The following AGBL4 variants were observed in gnomAD, a reference collection of about 807,000 sequenced individuals.
The protein encoded by AGBL4 is AGBL carboxypeptidase 4, also known as cytosolic carboxypeptidase 6.
A neutral mutation model predicts 66.4 loss-of-function variants in AGBL4; 58 were observed. That is an observed-to-expected ratio of 0.87 (90% CI 0.71 to 1.09). The LOEUF is 1.09. Among genes scored for constraint, AGBL4 ranks in the 50% least tolerant of loss-of-function variants. AGBL4 has a pLI of 0.00. For synonymous variants in AGBL4, 234 were observed against 222.9 expected (o/e 1.05, Z -0.44); for missense variants, 579 against 631.0 (o/e 0.92, Z 0.88).
At chr1:48,847,277 G>A (rs1255046368) in intron 6 of AGBL4, among the ~76,000 whole-genome samples, 1 of 151,888 alleles carries the variant, frequency 6.6e-6, no homozygotes, top group African/African-American at 2.4e-5. Context: ...TCTAGCCTGG[G>A]CAACAAGAGC....
chr1:48,734,280 T>C (rs1648655097), intron 6 of AGBL4, among the ~76,000 whole-genome samples: 1 of 152,220 alleles, frequency 6.6e-6, no homozygotes, highest in Admixed American at 6.5e-5. Context: ...ATCTAGGCTC[T>C]GAAACCTTAT....
intron 3 of AGBL4, among the ~76,000 whole-genome samples, chr1:49,465,527 T>C (rs1315822384): frequency 1.3e-5 from 2 of 151,812 alleles, no homozygotes; most frequent in African/African-American, 4.8e-5. Flanking sequence ...ATCTTTTATA[T>C]ATCCCCAGTG....
chr1:49,109,841 C>A (rs968098936), intron 4 of AGBL4, among the ~76,000 whole-genome samples: 1 of 152,068 alleles, frequency 6.6e-6, no homozygotes, highest in Non-Finnish European at 1.5e-5. Flanking sequence ...AGATTTTAAC[C>A]CCAATACTAT....
chr1:48,926,268 T>TTTTA (rs1654557124), intron 5 of AGBL4, among the ~76,000 whole-genome samples: 1 of 150,838 alleles, frequency 6.6e-6, no homozygotes, highest in Non-Finnish European at 1.5e-5. Flanking sequence ...TTTTATTTTA[T>TTTTA]TTTATTTTAT....
At chr1:49,166,452 T>C (rs1312714454) in intron 4 of AGBL4, among the ~76,000 whole-genome samples, 2 of 152,164 alleles carry the variant, frequency 1.3e-5, no homozygotes, top group African/African-American at 2.4e-5. Flanking sequence ...GTGGTTTAAC[T>C]TGGTTCTGTA....
chr1:49,626,653 G>C (rs144130634), intron 3 of AGBL4, among the ~76,000 whole-genome samples: 38 of 152,082 alleles, frequency 2.5e-4, no homozygotes, highest in South Asian at 2.1e-4. Flanking sequence ...TCTGAGAATA[G>C]TGCCATGTTG....
At chr1:49,270,531 C>T (rs913250539) in intron 3 of AGBL4, among the ~76,000 whole-genome samples, 3 of 152,044 alleles carry the variant, frequency 2.0e-5, no homozygotes, top group East Asian at 1.9e-4. Context: ...ATTAACAGGT[C>T]TGTCACTGGT....
chr1:49,290,687 C>T (rs534527193), intron 3 of AGBL4, among the ~76,000 whole-genome samples: 69 of 152,238 alleles, frequency 4.5e-4, no homozygotes, highest in African/African-American at 1.2e-3. Context: ...AGTTTTTCAT[C>T]CACAACCAAA....
At chr1:49,908,544 T>C (rs139520455) in intron 1 of AGBL4, among the ~76,000 whole-genome samples, 102 of 152,330 alleles carry the variant, frequency 6.7e-4, no homozygotes, top group Middle Eastern at 3.4e-3. Flanking sequence ...AACATTACAC[T>C]TCCTGTACTG....
intron 11 of AGBL4, among the ~76,000 whole-genome samples, chr1:48,575,441 G>A (rs546844515): frequency 1.3e-5 from 2 of 152,230 alleles, no homozygotes; most frequent in East Asian, 3.9e-4. Context: ...ATCTCCAACT[G>A]ACCCCATTCA....
At chr1:49,336,218 C>G (rs569175403) in intron 3 of AGBL4, among the ~76,000 whole-genome samples, 71 of 152,106 alleles carry the variant, frequency 4.7e-4, no homozygotes, top group African/African-American at 1.2e-3. Context: ...CAAAGCCCCC[C>G]CTGAGAATCA....
chr1:48,662,643 C>CT (rs1336020299), intron 7 of AGBL4, among the ~76,000 whole-genome samples: 4 of 152,182 alleles, frequency 2.6e-5, no homozygotes, highest in African/African-American at 7.2e-5. Flanking sequence ...AAAATTATGA[C>CT]TTATTTGCCT....
intron 5 of AGBL4, among the ~76,000 whole-genome samples, chr1:49,013,420 A>C (rs1386566047): frequency 2.0e-5 from 3 of 152,306 alleles, no homozygotes; most frequent in East Asian, 3.9e-4. Flanking sequence ...TCTGGAGGAC[A>C]CTGAGAGTCT....
At chr1:48,933,257 A>C (rs990705242) in intron 5 of AGBL4, among the ~76,000 whole-genome samples, 3 of 152,188 alleles carry the variant, frequency 2.0e-5, no homozygotes, top group African/African-American at 7.2e-5. Flanking sequence ...ATCATATGGT[A>C]GATGTTCAAG....
chr1:48,805,545 T>C (rs1466449896), intron 6 of AGBL4, among the ~76,000 whole-genome samples: 3 of 152,176 alleles, frequency 2.0e-5, no homozygotes, highest in African/African-American at 7.2e-5. Context: ...CCAGATTGTC[T>C]GAAGGTGGCA....
chr1:49,426,332 GA>G (rs1037780606), intron 3 of AGBL4, among the ~76,000 whole-genome samples: 1 of 152,040 alleles, frequency 6.6e-6, no homozygotes, highest in Non-Finnish European at 1.5e-5. Flanking sequence ...AATAAAAAGT[GA>G]AAAAACAAAA....
chr1:48,590,485 G>A (rs1253557947), intron 10 of AGBL4, among the ~76,000 whole-genome samples: 3 of 151,950 alleles, frequency 2.0e-5, no homozygotes, highest in Non-Finnish European at 1.5e-5. Context: ...GATCTTGGGA[G>A]ATAGAGGCTG....
chr1:49,043,856 T>C (rs1009420761), intron 5 of AGBL4, among the ~76,000 whole-genome samples: 1 of 152,172 alleles, frequency 6.6e-6, no homozygotes, highest in Non-Finnish European at 1.5e-5. Flanking sequence ...TCTTTACTGC[T>C]CTCTTTTTTG....
intron 3 of AGBL4, among the ~76,000 whole-genome samples, chr1:49,506,600 T>G (rs1648711698): frequency 6.6e-6 from 1 of 152,080 alleles, no homozygotes; most frequent in Admixed American, 6.6e-5. Context: ...CCTTCTGCCA[T>G]GATTCTGAGG....
Sources: allele counts gnomAD v4.1 joint callset (sites outside exome capture counted in the v4.1 genomes callset), GRCh38; gene constraint gnomAD v4.1.1; transcripts MANE v1.5; gene names NCBI Gene and HGNC (gene_info 2026-07-23, HGNC 2026-07-21).